Variants in SEMA3A observed in about 807,000 individuals in gnomAD.
The protein encoded by SEMA3A is semaphorin 3A, also known as semaphorin-3A.
SEMA3A carries 29 observed loss-of-function variants against 97.9 expected under a neutral mutation model. The observed-to-expected ratio is 0.30, with a 90% CI of 0.22 to 0.40. The LOEUF (loss-of-function observed/expected upper bound fraction) is 0.40, where lower values mean the gene tolerates loss of function less well. SEMA3A is among the 10% of genes least tolerant of loss of function. The probability of loss-of-function intolerance (pLI) is 1.00; values close to 1 mark genes in which losing one functional copy is unlikely to be tolerated. For missense variants in SEMA3A, 763 were observed against 951.3 expected, an observed-to-expected ratio of 0.80 and a Z score of 2.60; for synonymous variants, 321 against 323.7, an observed-to-expected ratio of 0.99 and a Z score of 0.09.
At chr7:83,974,844 G>T (rs138713884) in intron 15 of SEMA3A, among the ~76,000 whole-genome samples, 1 of 152,104 alleles carries the variant, frequency 6.6e-6, no homozygotes, top group African/African-American at 2.4e-5. Context: ...GGGCTTGCTG[G>T]GCTAGTTTAC....
chr7:84,361,430 G>A (rs922625825), intron 2 of SEMA3A, among the ~76,000 whole-genome samples: 16 of 152,094 alleles, frequency 1.1e-4, no homozygotes, highest in African/African-American at 3.4e-4. Context: ...AATGGAAAAC[G>A]GAAAGCTATT....
chr7:84,209,597 G>C (rs901601751), intron 3 of SEMA3A, among the ~76,000 whole-genome samples: 1 of 152,010 alleles, frequency 6.6e-6, no homozygotes, highest in Non-Finnish European at 1.5e-5. Context: ...CAAAACCATA[G>C]TATAAAATGT....
chr7:84,019,121 T>C (rs886916694), intron 6 of SEMA3A, among the ~76,000 whole-genome samples: 4 of 152,248 alleles, frequency 2.6e-5, no homozygotes, highest in Non-Finnish European at 1.5e-5. Flanking sequence ...ATTGATAATA[T>C]GTCGAATGTA....
At chr7:84,304,452 A>G (rs1299441295) in intron 3 of SEMA3A, among the ~76,000 whole-genome samples, 3 of 152,106 alleles carry the variant, frequency 2.0e-5, no homozygotes, top group Admixed American at 6.6e-5. Flanking sequence ...GAAAAGAAAA[A>G]TAAGACTTTA....
Position 84,088,678 on chromosome 7 carries a change from A to G in SEMA3A, c.453+21792T>C, listed in dbSNP as rs534568683. ...ATCATTAATTAACATTTGACAATAA[A>G]ATTTGACATATTCAGAAAACAATAT... On this transcript the variant is annotated intron_variant, in intron 4 of 16. Coordinates refer to ENST00000265362, the MANE Select transcript of SEMA3A (RefSeq NM_006080.3). 2.4e-4 allele frequency among the ~76,000 whole-genome samples: 37 copies of G among 152,240 alleles called. 2 individuals carry two copies. In the South Asian group the frequency reaches 7.5e-3, roughly 31 times the overall value.
At chr7:84,066,342 T>A (rs954816082) in intron 4 of SEMA3A, among the ~76,000 whole-genome samples, 14 of 151,666 alleles carry the variant, frequency 9.2e-5, no homozygotes, top group African/African-American at 3.4e-4. Context: ...CTGGAAGCAT[T>A]CCCTTTGAAG....
intron 1 of SEMA3A, among the ~76,000 whole-genome samples, chr7:84,477,847 T>C (rs190041987): frequency 1.3e-5 from 2 of 152,300 alleles, no homozygotes; most frequent in Admixed American, 6.5e-5. Context: ...GTGAAAGTTA[T>C]TGATTTGTTG....
At chr7:84,367,815 A>C (rs1264208360) in intron 2 of SEMA3A, among the ~76,000 whole-genome samples, 1 of 151,238 alleles carries the variant, frequency 6.6e-6, no homozygotes, top group Non-Finnish European at 1.5e-5. Context: ...AAGTAAGCTA[A>C]AGAAACTGCA....
At chr7:84,309,410 A>T (rs1801257850) in intron 2 of SEMA3A, among the ~76,000 whole-genome samples, 1 of 152,164 alleles carries the variant, frequency 6.6e-6, no homozygotes, top group Non-Finnish European at 1.5e-5. Context: ...AATAGTGATG[A>T]GGCTATGAAG....
At chr7:84,025,225 T>C (rs960214602) in intron 6 of SEMA3A, among the ~76,000 whole-genome samples, 4 of 152,228 alleles carry the variant, frequency 2.6e-5, no homozygotes, top group Admixed American at 1.3e-4. Context: ...TTATAAATTA[T>C]GTAAATTATA....
intron 2 of SEMA3A, among the ~76,000 whole-genome samples, chr7:84,352,261 T>C (rs2116029458): frequency 6.6e-6 from 1 of 152,088 alleles, no homozygotes; most frequent in East Asian, 1.9e-4. Context: ...GAAGTGGGGA[T>C]GGTTAATTGG....
chr7:84,071,039 T>A (rs899639237), intron 4 of SEMA3A, among the ~76,000 whole-genome samples: 1 of 152,160 alleles, frequency 6.6e-6, no homozygotes, highest in African/African-American at 2.4e-5. Flanking sequence ...GAGATCCTTC[T>A]GCAGATCAAA....
At chr7:84,257,289 T>C (rs1799739674) in intron 3 of SEMA3A, among the ~76,000 whole-genome samples, 1 of 152,000 alleles carries the variant, frequency 6.6e-6, no homozygotes, top group Admixed American at 6.6e-5. Flanking sequence ...ATTTTAGTCT[T>C]CACTGGAGTT....
chr7:84,122,203 T>C lies in SEMA3A; in HGVS notation c.333+6920A>G, dbSNP rs1440183167. 2.0e-5 allele frequency among the ~76,000 whole-genome samples: 3 copies of C among 151,916 alleles called. No individual in the cohort carries two copies. In the East Asian group the frequency reaches 5.8e-4, roughly 30 times the overall value. ...TGACAAAGGGCTAATATCCAGAATCTACAAAGAACTAAAACAAATTTACAA... is the reference window on the plus strand; with the variant it reads ...TGACAAAGGGCTAATATCCAGAATCCACAAAGAACTAAAACAAATTTACAA... On this transcript the variant is annotated intron_variant, in intron 3 of 16. Transcript: ENST00000265362.
chr7:84,143,950 AACACACACACACACACACACACACACAC>A (rs796470836), intron 1 of SEMA3A, among the ~76,000 whole-genome samples: 1 of 94,654 alleles, frequency 1.1e-5, no homozygotes, highest in African/African-American at 3.5e-5. Flanking sequence ...CTCTCTCTCT[AACACACACACACACACACACACACACAC>A]ACACACACAC....
At chr7:84,000,662 G>A (rs1310288073) in intron 12 of SEMA3A, among the ~76,000 whole-genome samples, 1 of 152,098 alleles carries the variant, frequency 6.6e-6, no homozygotes, top group Non-Finnish European at 1.5e-5. Context: ...GATTTGTCAT[G>A]TAGCTATGAC....
rs76643105 is a variant in SEMA3A, at chr7:84,434,895, G to A, written c.-246+57565C>T. 0.013 allele frequency among the ~76,000 whole-genome samples: 2,048 copies of A among 152,198 alleles called. 93 individuals are homozygous for A. In the East Asian group the frequency reaches 0.16, roughly 12 times the overall value. ...AAGAGCCATTTATGATTAATGCATA[G>A]CCAACATCATGAACAGGCAAAAACT... On this transcript the variant is annotated intron_variant, in intron 1 of 3. Coordinates refer to the SEMA3A transcript ENST00000424555.
At chr7:84,128,105 A>T (rs893441328) in intron 3 of SEMA3A, among the ~76,000 whole-genome samples, 3 of 152,156 alleles carry the variant, frequency 2.0e-5, no homozygotes, top group Non-Finnish European at 4.4e-5. Context: ...AGTTTACTTT[A>T]CAAAAAATGG....
intron 2 of SEMA3A, among the ~76,000 whole-genome samples, chr7:84,331,708 G>GA (rs924144890): frequency 3.4e-4 from 51 of 148,654 alleles, no homozygotes; most frequent in East Asian, 5.9e-4. Flanking sequence ...TGCTGTTTGG[G>GA]AAAAAAAAAA....
Sources: allele counts gnomAD v4.1 joint callset (sites outside exome capture counted in the v4.1 genomes callset), GRCh38; gene constraint gnomAD v4.1.1; transcripts MANE v1.5; gene names NCBI Gene and HGNC (gene_info 2026-07-23, HGNC 2026-07-21).